NLN: variants seen among roughly 807,000 people sequenced by gnomAD.
NLN encodes the protein neurolysin.
In NLN, 64 loss-of-function variants were observed where a neutral mutation model predicts 79.9. That is an observed-to-expected ratio of 0.80 (90% CI 0.65 to 0.99). NLN has a LOEUF of 0.99. Ranked by LOEUF, NLN falls within the 50% of genes least tolerant of loss-of-function variation. The pLI, the probability that NLN is intolerant of heterozygous loss-of-function variation, is 0.00. For missense variants in NLN, 835 were observed against 858.7 expected, an observed-to-expected ratio of 0.97 and a Z score of 0.34; for synonymous variants, 267 against 296.6, an observed-to-expected ratio of 0.90 and a Z score of 1.02.
chr5:65,789,727 G>A (rs941058769), intron 8 of NLN, among the ~76,000 whole-genome samples: 1 of 152,162 alleles, frequency 6.6e-6, no homozygotes, highest in Non-Finnish European at 1.5e-5. Flanking sequence ...CAGCCAGGGC[G>A]ACAGAGCAAG....
intron 6 of NLN, among the ~76,000 whole-genome samples, chr5:65,781,992 C>G (rs568243952): frequency 2.6e-5 from 4 of 152,194 alleles, no homozygotes; most frequent in African/African-American, 9.6e-5. Context: ...CCAACACTCC[C>G]AGTGATGGCA....
Position 65,823,275 on chromosome 5 carries a change from T to G in NLN, c.*360T>G, listed in dbSNP as rs1003409113. On this transcript the variant is annotated 3_prime_UTR_variant, in exon 13 of 13. Coordinates refer to ENST00000380985, the MANE Select transcript of NLN (RefSeq NM_020726.5). ...TATATATGATATAATTTGATCCTTCTTGTATCTTGAAGTTTTGTACTTGGG... is the reference window on the plus strand; with the variant it reads ...TATATATGATATAATTTGATCCTTCGTGTATCTTGAAGTTTTGTACTTGGG... 5 of 164,602 alleles carry G rather than the reference T, an allele frequency of 3.0e-5. No homozygotes were observed. The highest frequency in any genetic ancestry group is 5.3e-5 in the Non-Finnish European group (4 of 75,966). The allele number at this position is 164,602 out of a possible 1,614,324, so 10.2% of individuals were successfully genotyped here.
intron 12 of NLN, among the ~76,000 whole-genome samples, chr5:65,813,840 G>C (rs1760609463): frequency 6.6e-6 from 1 of 151,972 alleles, no homozygotes; most frequent in East Asian, 1.9e-4. Context: ...AGATGGGAGA[G>C]TTGCTTGAGC....
intron 1 of NLN, among the ~76,000 whole-genome samples, chr5:65,752,497 T>C (rs1169658972): frequency 1.3e-5 from 2 of 152,200 alleles, no homozygotes; most frequent in Admixed American, 1.3e-4. Context: ...TAGCTCTCAC[T>C]TGCAAAAAGT....
chr5:65,801,881 T>A (rs1426850053), intron 9 of NLN, among the ~76,000 whole-genome samples: 1 of 152,156 alleles, frequency 6.6e-6, no homozygotes, highest in Non-Finnish European at 1.5e-5. Context: ...ATTTTTGTTG[T>A]CATTTGGGGT....
intron 1 of NLN, among the ~76,000 whole-genome samples, chr5:65,751,028 CAA>C (rs1759090752): frequency 2.0e-5 from 3 of 152,130 alleles, no homozygotes; most frequent in Admixed American, 2.0e-4. Flanking sequence ...AATAGCCACA[CAA>C]GAGAAATAAT....
At chr5:65,797,453 A>G (rs1760196715) in intron 9 of NLN, among the ~76,000 whole-genome samples, 1 of 152,192 alleles carries the variant, frequency 6.6e-6, no homozygotes, top group African/African-American at 2.4e-5. Context: ...AGATAAATGT[A>G]CCCTGTATTA....
At chr5:65,790,019 G>C (rs1446627736) in intron 8 of NLN, among the ~76,000 whole-genome samples, 4 of 152,130 alleles carry the variant, frequency 2.6e-5, no homozygotes, top group African/African-American at 4.8e-5. Context: ...ATCTTCCCCA[G>C]ATATCAGTGG....
At position 65,809,590 on chromosome 5, in the gene NLN, TG is replaced by T. The variant is rs1561211964; in HGVS notation, c.1606del (p.Val536CysfsTer39). ...VEVPSQMLEN[W>X]VWDVDSLRRL... ...GGTGCCATCGCAAATGCTTGAAAAT[TG>T]GGTGTGGGACGTCGATTCCCTCCGA... On this transcript the variant is annotated frameshift_variant, in exon 10 of 13. Transcript: ENST00000380985. LOFTEE classifies it high-confidence loss of function. 1 of 1,613,872 alleles carries T rather than the reference TG, an allele frequency of 6.2e-7. No homozygotes were observed. Among genetic ancestry groups the T allele is most frequent in the South Asian group, 1.1e-5 (1 of 91,010 alleles).
chr5:65,775,365 C>T (rs905248267), intron 3 of NLN, among the ~76,000 whole-genome samples: 3 of 152,184 alleles, frequency 2.0e-5, no homozygotes, highest in East Asian at 1.9e-4. Flanking sequence ...GGTACACACA[C>T]GGCTGTCCCC....
At position 65,817,382 on chromosome 5, in the gene NLN, G is replaced by A. The variant is rs1232302700; in HGVS notation, c.1980+4991G>A. On this transcript the variant is annotated intron_variant, in intron 12 of 12. Transcript: ENST00000380985. ...AATAATTATGGAATGGAACTGCTTG[G>A]GATTAATGCTTTTCCAGGAAGCTCT... Among the ~76,000 whole-genome samples the A allele has an allele frequency of 2.6e-5, 4 of 152,028 alleles. No individual in the cohort carries two copies. In the East Asian group the frequency reaches 5.8e-4, roughly 22 times the overall value.
At chr5:65,810,799 G>A (rs1207090599) in intron 11 of NLN, among the ~76,000 whole-genome samples, 1 of 151,988 alleles carries the variant, frequency 6.6e-6, no homozygotes, top group Non-Finnish European at 1.5e-5. Context: ...AGGCAACATG[G>A]CAAAACCCGT....
chr5:65,777,048 A>G (rs992370629), intron 3 of NLN, among the ~76,000 whole-genome samples: 1 of 152,202 alleles, frequency 6.6e-6, no homozygotes, highest in African/African-American at 2.4e-5. Context: ...AGGTTAGCAA[A>G]TGATAGAAAA....
At chr5:65,782,921 TATA>T (rs1484532388) in intron 6 of NLN, among the ~76,000 whole-genome samples, 7 of 152,234 alleles carry the variant, frequency 4.6e-5, no homozygotes, top group Non-Finnish European at 8.8e-5. Context: ...ATGCCCATGG[TATA>T]ATGAGAACCT....
intron 11 of NLN, among the ~76,000 whole-genome samples, chr5:65,810,690 C>A (rs1379267647): frequency 1.3e-5 from 2 of 152,056 alleles, no homozygotes; most frequent in African/African-American, 4.8e-5. Context: ...CAAGAAGGAG[C>A]ATTTTCAGGC....
At chr5:65,765,292 T>C (rs962313448) in intron 3 of NLN, among the ~76,000 whole-genome samples, 3 of 151,940 alleles carry the variant, frequency 2.0e-5, no homozygotes, top group Non-Finnish European at 4.4e-5. Context: ...CCAAGGCGGG[T>C]GGATCACGGG....
chr5:65,763,891 G>A (rs1219142458), intron 3 of NLN, among the ~76,000 whole-genome samples: 2 of 152,008 alleles, frequency 1.3e-5, no homozygotes, highest in Non-Finnish European at 2.9e-5. Context: ...TATCAGACAA[G>A]CATTTTTCAT....
At chr5:65,755,134 A>G (rs988115760) in intron 1 of NLN, among the ~76,000 whole-genome samples, 5 of 152,174 alleles carry the variant, frequency 3.3e-5, no homozygotes, top group Admixed American at 3.3e-4. Context: ...CATGTTTTAT[A>G]TTCCATTTCT....
intron 1 of NLN, among the ~76,000 whole-genome samples, chr5:65,739,523 T>C (rs1758826837): frequency 6.6e-6 from 1 of 152,226 alleles, no homozygotes; most frequent in Non-Finnish European, 1.5e-5. Context: ...TTTAAAGATA[T>C]ATTCCCAGTA....
Sources: gnomAD v4.1 joint callset for allele counts (sites outside exome capture counted in the v4.1 genomes callset) on GRCh38, gnomAD v4.1.1 for gene constraint, MANE v1.5 for transcripts, NCBI Gene and HGNC (gene_info 2026-07-23, HGNC 2026-07-21) for gene names.